Variants in ANGPT2 observed in about 807,000 individuals in gnomAD.
ANGPT2 encodes angiopoietin-2.
ANGPT2 carries 28 observed loss-of-function variants against 62.9 expected under a neutral mutation model. The ratio of observed to expected loss-of-function variants is 0.44; its 90% confidence interval spans 0.33 to 0.61. ANGPT2 has a LOEUF of 0.61. Among genes scored for constraint, ANGPT2 ranks in the 20% least tolerant of loss-of-function variants. The pLI is 0.03. For synonymous variants in ANGPT2, 284 were observed against 207.8 expected, an observed-to-expected ratio of 1.37 and a Z score of -3.15; for missense variants, 727 against 594.9, an observed-to-expected ratio of 1.22 and a Z score of -2.31.
intron 1 of ANGPT2, among the ~76,000 whole-genome samples, chr8:6,556,340 G>A (rs3020232): frequency 0.13 from 19,999 of 151,830 alleles, 3,613 homozygotes; most frequent in African/African-American, 0.41. Flanking sequence ...ATTTTTTGCA[G>A]TATCTATATA....
intron 7 of ANGPT2, among the ~76,000 whole-genome samples, chr8:6,512,883 C>G (rs1014101109): frequency 1.3e-5 from 2 of 152,218 alleles, no homozygotes; most frequent in African/African-American, 4.8e-5. Context: ...AGTTGACTAA[C>G]CATCCCACCT....
At chr8:6,526,173 A>C (rs534584213) in intron 3 of ANGPT2, among the ~76,000 whole-genome samples, 1 of 149,364 alleles carries the variant, frequency 6.7e-6, no homozygotes, top group Non-Finnish European at 1.5e-5. Context: ...TAATCCCAGC[A>C]CTTTAGGATG....
chr8:6,541,798 G>A (rs1056119534), intron 1 of ANGPT2, among the ~76,000 whole-genome samples: 3 of 152,126 alleles, frequency 2.0e-5, no homozygotes, highest in Non-Finnish European at 4.4e-5. Flanking sequence ...GAGGTCAGCA[G>A]TTCAAGACCA....
intron 8 of ANGPT2, among the ~76,000 whole-genome samples, chr8:6,505,263 T>A (rs1563305296): frequency 5.1e-5 from 4 of 78,022 alleles, no homozygotes; most frequent in East Asian, 2.4e-4. Context: ...ATATATGTTT[T>A]ATATATATGT....
At position 6,499,846 on chromosome 8, in the gene ANGPT2, T is replaced by A. The variant is rs778325297; in HGVS notation, c.*3255A>T. The stretch of plus-strand genomic sequence containing the variant: ...ATAATAAATCTGCTTGTTGTGTCAC[T>A]TGCAGGTGCTATGGTCTTTAGAATT... On this transcript the variant is annotated 3_prime_UTR_variant, in exon 9 of 9. Transcript: ENST00000629816. 1 of 1,612,622 alleles carries A rather than the reference T, an allele frequency of 6.2e-7. No individual in the cohort carries two copies. Among genetic ancestry groups the A allele is most frequent in the Non-Finnish European group, 8.5e-7 (1 of 1,179,620 alleles).
chr8:6,532,526 A>C (rs767984662), intron 1 of ANGPT2, 39 bp from the exon 2 acceptor site: 1 of 1,509,380 alleles, frequency 6.6e-7, no homozygotes, highest in Admixed American at 2.0e-5. Context: ...CATTAGTCAA[A>C]TGACCGGAAA....
At chr8:6,553,625 T>C (rs1196471532) in intron 1 of ANGPT2, among the ~76,000 whole-genome samples, 3 of 152,142 alleles carry the variant, frequency 2.0e-5, no homozygotes, top group Non-Finnish European at 4.4e-5. Flanking sequence ...TTCCTGAGGC[T>C]GGCTGGGGCC....
intron 8 of ANGPT2, among the ~76,000 whole-genome samples, chr8:6,504,543 A>G (rs1025791601): frequency 6.6e-6 from 1 of 152,118 alleles, no homozygotes; most frequent in East Asian, 1.9e-4. Flanking sequence ...AGTAACGCTT[A>G]TTTGACTTAA....
At chr8:6,515,553 T>C (rs571934583) in intron 5 of ANGPT2, among the ~76,000 whole-genome samples, 1 of 152,348 alleles carries the variant, frequency 6.6e-6, no homozygotes, top group African/African-American at 2.4e-5. Flanking sequence ...ACAGAATTCT[T>C]TCTTAAGCTA....
At chr8:6,540,430 A>G (rs1268437715) in intron 1 of ANGPT2, among the ~76,000 whole-genome samples, 1 of 152,192 alleles carries the variant, frequency 6.6e-6, no homozygotes, top group African/African-American at 2.4e-5. Flanking sequence ...TTCATATGCA[A>G]AAGGTGTCAC....
chr8:6,523,692 C>T (rs764274349), intron 3 of ANGPT2, among the ~76,000 whole-genome samples: 1 of 152,186 alleles, frequency 6.6e-6, no homozygotes, highest in Non-Finnish European at 1.5e-5. Flanking sequence ...CGGATTCAAG[C>T]AGTTCTCCTG....
rs368705534 is a variant in ANGPT2, at chr8:6,522,333, C to G, written c.567-923G>C. On this transcript the variant is annotated intron_variant, in intron 3 of 8. Transcript: ENST00000629816. ...TCATGCCACTGCACTCCAGCCTGGGCGACAGAGCGAGACTCCGTCTCAAAA... is the reference window on the plus strand; with the variant it reads ...TCATGCCACTGCACTCCAGCCTGGGGGACAGAGCGAGACTCCGTCTCAAAA... Among the ~76,000 whole-genome samples, 10 of 150,992 alleles carry G rather than the reference C, an allele frequency of 6.6e-5. No homozygotes were observed. In the East Asian group the frequency reaches 1.6e-3, roughly 24 times the overall value.
At chr8:6,557,531 G>A (rs184111244) in intron 1 of ANGPT2, among the ~76,000 whole-genome samples, 87 of 152,260 alleles carry the variant, frequency 5.7e-4, no homozygotes, top group South Asian at 1.9e-3. Flanking sequence ...TCAAGCCAAA[G>A]GAGGATGTAG....
At chr8:6,524,011 A>G (rs1486719140) in intron 3 of ANGPT2, among the ~76,000 whole-genome samples, 1 of 152,152 alleles carries the variant, frequency 6.6e-6, no homozygotes, top group African/African-American at 2.4e-5. Flanking sequence ...AGATGTTTCA[A>G]TATCTTCATT....
chr8:6,545,446 T>A lies in ANGPT2; in HGVS notation c.289-12959A>T, dbSNP rs143931546. 3.6e-3 allele frequency among the ~76,000 whole-genome samples: 546 copies of A among 152,354 alleles called. 10 individuals carry two copies. Among genetic ancestry groups the A allele is most frequent in the African/African-American group, 0.012 (509 of 41,568 alleles). On this transcript the variant is annotated intron_variant, in intron 1 of 8. Coordinates refer to ENST00000629816, the MANE Select transcript of ANGPT2 (RefSeq NM_001118887.2). Reference sequence around the variant, plus strand: ...ATGACCCTAGTTACTATGGGTGGTTTTATTTGTCTCTGCAGTTTTCATCTA... The same window carrying A: ...ATGACCCTAGTTACTATGGGTGGTTATATTTGTCTCTGCAGTTTTCATCTA...
intron 4 of ANGPT2, 40 bp downstream of exon 4, chr8:6,521,138 A>C (rs373586714): frequency 6.4e-7 from 1 of 1,553,430 alleles, no homozygotes; most frequent in African/African-American, 1.4e-5. Flanking sequence ...TACTGACTAA[A>C]GGTTATTAAC....
chr8:6,544,373 G>A (rs1489994023), intron 1 of ANGPT2, among the ~76,000 whole-genome samples: 1 of 152,240 alleles, frequency 6.6e-6, no homozygotes, highest in Admixed American at 6.5e-5. Context: ...AAGAGAGACT[G>A]TGAACTGCAC....
At chr8:6,537,283 C>T (rs1005095991) in intron 1 of ANGPT2, among the ~76,000 whole-genome samples, 2 of 151,994 alleles carry the variant, frequency 1.3e-5, no homozygotes, top group African/African-American at 4.8e-5. Context: ...TATATGTGTG[C>T]GAGGACAGTG....
chr8:6,511,873 C>G (rs1242616296), intron 7 of ANGPT2, among the ~76,000 whole-genome samples: 2 of 151,000 alleles, frequency 1.3e-5, no homozygotes, highest in African/African-American at 2.4e-5. Context: ...TTTATACAAA[C>G]AGCCTAATCC....
Sources: allele counts gnomAD v4.1 joint callset (sites outside exome capture counted in the v4.1 genomes callset), GRCh38; gene constraint gnomAD v4.1.1; transcripts MANE v1.5; gene names NCBI Gene and HGNC (gene_info 2026-07-23, HGNC 2026-07-21).